Variants in DPP6 observed in about 807,000 individuals in gnomAD.
The protein encoded by DPP6 is dipeptidyl peptidase like 6.
A neutral mutation model predicts 122.6 loss-of-function variants in DPP6; 69 were observed. The ratio of observed to expected loss-of-function variants is 0.56; its 90% confidence interval spans 0.46 to 0.69. The LOEUF (loss-of-function observed/expected upper bound fraction) is 0.69. Ranked by LOEUF, DPP6 falls within the 30% of genes least tolerant of loss-of-function variation. The probability of loss-of-function intolerance (pLI) is 0.00; values close to 1 mark genes in which losing one functional copy is unlikely to be tolerated. For synonymous variants in DPP6, 418 were observed against 433.1 expected (o/e 0.97, Z 0.43); for missense variants, 928 against 1,116.9 (o/e 0.83, Z 2.41).
At chr7:153,986,192 A>G (rs73496263) in intron 1 of DPP6, among the ~76,000 whole-genome samples, 3,363 of 152,334 alleles carry the variant, frequency 0.022, 120 homozygotes, top group African/African-American at 0.076. Flanking sequence ...GAAACAGAAA[A>G]TAGATATGCA....
intron 5 of DPP6, among the ~76,000 whole-genome samples, chr7:154,592,486 G>A (rs1022215494): frequency 1.3e-5 from 2 of 152,206 alleles, no homozygotes; most frequent in Admixed American, 6.5e-5. Context: ...AAGCCCCTGC[G>A]CTCGTGGATC....
At chr7:153,757,307 A>G in the DPP6 span, among the ~76,000 whole-genome samples, 1 of 152,234 alleles carries the variant, frequency 6.6e-6, no homozygotes, top group Non-Finnish European at 1.5e-5. Flanking sequence ...GCATTATGAG[A>G]CATTTTAAAA....
At chr7:153,838,359 G>A in the DPP6 span, among the ~76,000 whole-genome samples, 1 of 152,124 alleles carries the variant, frequency 6.6e-6, no homozygotes, top group African/African-American at 2.4e-5. Context: ...TGTCCTCTGT[G>A]TTTCAGTGGA....
rs141650456 is a variant in DPP6, at chr7:154,637,322, C to T, written c.628-499C>T. Among the ~76,000 whole-genome samples, 108 of 152,308 alleles carry T rather than the reference C, an allele frequency of 7.1e-4. 1 individual carries two copies. Among genetic ancestry groups the T allele is most frequent in the African/African-American group, 2.2e-3 (90 of 41,566 alleles). On this transcript the variant is annotated intron_variant, in intron 5 of 25. Transcript: ENST00000377770. ...TCTTGAAACCAAAAGATGCATATCC[C>T]GTTGTACAGGGGGTCAAAAGTGTGC...
At chr7:154,544,807 A>G (rs564236324) in intron 4 of DPP6, among the ~76,000 whole-genome samples, 1 of 152,328 alleles carries the variant, frequency 6.6e-6, no homozygotes, top group South Asian at 2.1e-4. Context: ...GGCTAGACCA[A>G]AGAGCCTGGG....
chr7:154,078,016 C>T (rs1054570518), intron 1 of DPP6, among the ~76,000 whole-genome samples: 4 of 152,092 alleles, frequency 2.6e-5, no homozygotes, highest in Non-Finnish European at 5.9e-5. Flanking sequence ...TTCACAAAAC[C>T]CTGGCTGTAC....
At chr7:154,201,584 T>C (rs755903853) in intron 1 of DPP6, among the ~76,000 whole-genome samples, 20 of 152,314 alleles carry the variant, frequency 1.3e-4, no homozygotes, top group African/African-American at 4.6e-4. Context: ...TAAGAAAGTA[T>C]TGGGGCAGCA....
chr7:154,108,443 G>T (rs1256765781), intron 1 of DPP6, among the ~76,000 whole-genome samples: 1 of 152,140 alleles, frequency 6.6e-6, no homozygotes, highest in Non-Finnish European at 1.5e-5. Flanking sequence ...TGGTTGCAAG[G>T]GGAGAAATGT....
chr7:154,494,108 C>G (rs530084003), intron 3 of DPP6, among the ~76,000 whole-genome samples: 1 of 152,274 alleles, frequency 6.6e-6, no homozygotes, highest in South Asian at 2.1e-4. Flanking sequence ...AATCCCAGCC[C>G]TTTGGGAGGC....
At chr7:154,355,676 G>C (rs1481914924) in intron 1 of DPP6, among the ~76,000 whole-genome samples, 1 of 152,118 alleles carries the variant, frequency 6.6e-6, no homozygotes, top group Non-Finnish European at 1.5e-5. Flanking sequence ...GGTGACAGGT[G>C]GATCTAGTTT....
chr7:154,803,829 G>A (rs776332109), intron 13 of DPP6, 35 bp from the exon 14 acceptor site: 1 of 1,603,604 alleles, frequency 6.2e-7, no homozygotes, highest in Admixed American at 1.7e-5. Context: ...CGGGACACCG[G>A]TGTCTGCTCC....
intron 1 of DPP6, among the ~76,000 whole-genome samples, chr7:154,081,581 T>C (rs1453110136): frequency 2.0e-5 from 3 of 147,676 alleles, no homozygotes; most frequent in Admixed American, 6.7e-5. Flanking sequence ...GGCTGGGCAA[T>C]GAAGGCTTCT....
chr7:154,433,998 G>T (rs935284423), intron 1 of DPP6, among the ~76,000 whole-genome samples: 1 of 152,122 alleles, frequency 6.6e-6, no homozygotes, highest in Non-Finnish European at 1.5e-5. Context: ...TTAAACTGTG[G>T]TTATTTCTTT....
intron 1 of DPP6, among the ~76,000 whole-genome samples, chr7:153,955,013 G>T (rs921390846): frequency 1.3e-5 from 2 of 152,140 alleles, no homozygotes; most frequent in African/African-American, 4.8e-5. Flanking sequence ...GTAGCATTGG[G>T]GCAAATTGAT....
the DPP6 span, among the ~76,000 whole-genome samples, chr7:153,758,874 C>G: frequency 3.9e-5 from 6 of 152,076 alleles, no homozygotes; most frequent in African/African-American, 1.4e-4. Flanking sequence ...TTACACTTCA[C>G]TTAGGTAGGG....
At chr7:154,800,486 G>T (rs1739387090) in intron 12 of DPP6, among the ~76,000 whole-genome samples, 2 of 152,230 alleles carry the variant, frequency 1.3e-5, no homozygotes, top group South Asian at 4.1e-4. Flanking sequence ...AGGTACCGCG[G>T]TAGCAAAATC....
At chr7:153,781,232 GCT>G in the DPP6 span, among the ~76,000 whole-genome samples, 1 of 152,022 alleles carries the variant, frequency 6.6e-6, no homozygotes, top group African/African-American at 2.4e-5. Context: ...TCTTCCACCA[GCT>G]CTGGACTGAC....
In DPP6 at chr7:154,479,575, G is replaced by GAA. The variant is rs1240927814; in HGVS notation, c.457+4541_457+4542dup. Among the ~76,000 whole-genome samples the GAA allele has an allele frequency of 2.1e-3, 158 of 76,616 alleles. 1 individual carries two copies. The highest frequency in any genetic ancestry group is 6.3e-3 in the African/African-American group (151 of 23,872). The allele number at this position is 76,616 out of a possible 152,430, so 50.3% of individuals were successfully genotyped here. ...TCCATCTCAAAAAAAAAAAAAAAAA[G>GAA]AAAAGAAAAGAAAAAGAAAAGGCTC... On this transcript the variant is annotated intron_variant, in intron 3 of 25. Transcript: ENST00000377770.
At chr7:154,278,923 GTGTA>G (rs1037175222) in intron 1 of DPP6, among the ~76,000 whole-genome samples, 6 of 151,904 alleles carry the variant, frequency 3.9e-5, no homozygotes, top group Admixed American at 1.3e-4. Flanking sequence ...GTGTATGTAT[GTGTA>G]TGTATGTGTG....
Sources: gnomAD v4.1 joint callset for allele counts (sites outside exome capture counted in the v4.1 genomes callset) on GRCh38, gnomAD v4.1.1 for gene constraint, MANE v1.5 for transcripts, NCBI Gene and HGNC (gene_info 2026-07-23, HGNC 2026-07-21) for gene names.